The following ADCY8 variants were observed in gnomAD, a reference collection of about 807,000 sequenced individuals.
The protein encoded by ADCY8 is adenylate cyclase 8.
A neutral mutation model predicts 119.7 loss-of-function variants in ADCY8; 51 were observed. The observed-to-expected ratio is 0.43, with a 90% CI of 0.34 to 0.54. The LOEUF is 0.54. Among genes scored for constraint, ADCY8 ranks in the 20% least tolerant of loss-of-function variants. The pLI, the probability that ADCY8 is intolerant of heterozygous loss-of-function variation, is 0.03. For synonymous variants in ADCY8, 665 were observed against 651.0 expected, an observed-to-expected ratio of 1.02 and a Z score of -0.33; for missense variants, 1,383 against 1,598.8, an observed-to-expected ratio of 0.87 and a Z score of 2.30.
At chr8:131,024,150 G>T (rs574229660) in intron 1 of ADCY8, among the ~76,000 whole-genome samples, 3 of 152,302 alleles carry the variant, frequency 2.0e-5, no homozygotes, top group Admixed American at 6.5e-5. Context: ...CTGTTCAGGT[G>T]ATTCATGAGT....
At chr8:131,009,662 G>T (rs138425154) in intron 1 of ADCY8, among the ~76,000 whole-genome samples, 4 of 152,162 alleles carry the variant, frequency 2.6e-5, no homozygotes, top group African/African-American at 9.7e-5. Context: ...CAAAGACTGC[G>T]CTTTTAAGCA....
intron 2 of ADCY8, among the ~76,000 whole-genome samples, chr8:130,977,116 A>G (rs114623006): frequency 2.0e-5 from 3 of 152,232 alleles, no homozygotes; most frequent in African/African-American, 7.2e-5. Context: ...TTACTACTAT[A>G]TCTCCTCACA....
rs534347359 is a variant in ADCY8 at position 131,003,477 on chromosome 8, G to A, written c.961-12935C>T. On this transcript the variant is annotated intron_variant, in intron 1 of 17. Transcript: ENST00000286355. ...ACAAGTAGCCATAATTATTCCAGGA[G>A]TGTTTTGCAGCCTGACTTAATTCTA... Among the ~76,000 whole-genome samples, 6 of 152,290 alleles carry A rather than the reference G, an allele frequency of 3.9e-5. No individual in the cohort carries two copies. The South Asian group carries it at 6.2e-4, about 16-fold the overall frequency.
At chr8:130,943,492 G>GTT in intron 3 of ADCY8, 30 bp from the exon 4 acceptor site, 1 of 649,132 alleles carries the variant, frequency 1.5e-6, no homozygotes, top group South Asian at 1.5e-5. Context: ...TGGGGGTGGG[G>GTT]GGAGGAAGTA....
In ADCY8 at chr8:130,924,184, G is replaced by T. The variant is rs1042172876; in HGVS notation, c.1481+12889C>A. The stretch of plus-strand genomic sequence containing the variant: ...TGCCACTGACTAGTCATGTGATCTA[G>T]GTGGAGGTAATTATACAACCTCTGT... On this transcript the variant is annotated intron_variant, in intron 5 of 17. Coordinates refer to ENST00000286355, the MANE Select transcript of ADCY8 (RefSeq NM_001115.3). Among the ~76,000 whole-genome samples the T allele has an allele frequency of 3.3e-5, 5 of 152,202 alleles. No individual in the cohort carries two copies. The South Asian group carries it at 8.3e-4, about 25-fold the overall frequency.
chr8:130,798,990 A>G (rs1815679550), intron 15 of ADCY8, among the ~76,000 whole-genome samples: 2 of 152,136 alleles, frequency 1.3e-5, no homozygotes, highest in Admixed American at 6.5e-5. Context: ...TTGCAACAAC[A>G]TGGATGGGTC....
chr8:130,920,032 AC>A (rs2130578584), intron 5 of ADCY8, among the ~76,000 whole-genome samples: 1 of 151,496 alleles, frequency 6.6e-6, no homozygotes, highest in Admixed American at 6.6e-5. Context: ...AATCCCGGCT[AC>A]TTGGAAGGCT....
intron 2 of ADCY8, among the ~76,000 whole-genome samples, chr8:130,960,422 T>A (rs956975753): frequency 1.9e-4 from 28 of 145,310 alleles, no homozygotes; most frequent in Non-Finnish European, 2.4e-4. Flanking sequence ...ACTAATTGAA[T>A]GGAATTAACA....
intron 9 of ADCY8, among the ~76,000 whole-genome samples, chr8:130,858,991 A>G (rs1817839257): frequency 6.6e-6 from 1 of 151,784 alleles, no homozygotes; most frequent in African/African-American, 2.4e-5. Context: ...AAGATCGCCA[A>G]GGCTAATCTT....
chr8:130,800,634 C>G, intron 14 of ADCY8, 62 bp from the exon 15 acceptor site: 3 of 1,577,456 alleles, frequency 1.9e-6, no homozygotes, highest in Non-Finnish European at 2.6e-6. Flanking sequence ...TGCAGTGATG[C>G]TTCCTGTGCA....
Position 130,780,339 on chromosome 8 carries a change from T to A in ADCY8, c.*51A>T, listed in dbSNP as rs1815031291. Reference sequence around the variant, plus strand: ...AATTAAACCTTTTTATTAGTATATTTATTTTATATATAAAAGAAATACAAA... The same window carrying A: ...AATTAAACCTTTTTATTAGTATATTAATTTTATATATAAAAGAAATACAAA... On this transcript the variant is annotated 3_prime_UTR_variant, in exon 18 of 18. Transcript: ENST00000286355. The A allele has an allele frequency of 8.2e-7, 1 of 1,222,068 alleles. No individual in the cohort carries two copies. The highest frequency in any genetic ancestry group is 1.0e-6 in the Non-Finnish European group (1 of 969,046). 75.7% of individuals were successfully genotyped at this position (1,222,068 alleles called of 1,614,324 possible).
intron 14 of ADCY8, among the ~76,000 whole-genome samples, chr8:130,809,041 GC>G: frequency 6.6e-6 from 1 of 152,314 alleles, no homozygotes; most frequent in South Asian, 2.1e-4. Context: ...GCTATTCTAA[GC>G]CAAAAGCACA....
Position 130,806,292 on chromosome 8 carries a change from C to T in ADCY8, c.2914-5720G>A, listed in dbSNP as rs1013364333. 2.0e-5 allele frequency among the ~76,000 whole-genome samples: 3 copies of T among 152,198 alleles called. 1 individual carries two copies. Among genetic ancestry groups the T allele is most frequent in the African/African-American group, 4.8e-5 (2 of 41,444 alleles). On this transcript the variant is annotated intron_variant, in intron 14 of 17. Transcript: ENST00000286355. ...TGCCATGACTGGCAGTGGCTACTCA[C>T]GCTGGTTCCAGTAACTGCTTTTTCT...
At chr8:130,814,908 C>T (rs750480588) in intron 13 of ADCY8, among the ~76,000 whole-genome samples, 5 of 152,150 alleles carry the variant, frequency 3.3e-5, no homozygotes, top group Non-Finnish European at 7.3e-5. Context: ...TCTATCTGTT[C>T]GACTTTACAT....
intron 7 of ADCY8, among the ~76,000 whole-genome samples, chr8:130,901,981 A>G (rs1819618129): frequency 6.6e-6 from 1 of 152,164 alleles, no homozygotes; most frequent in Admixed American, 6.5e-5. Flanking sequence ...ATACAGTTTA[A>G]CCACATCAAT....
intron 2 of ADCY8, among the ~76,000 whole-genome samples, chr8:130,972,899 T>C (rs7826283): frequency 0.39 from 59,296 of 151,150 alleles, 13,400 homozygotes; most frequent in Middle Eastern, 0.56. Context: ...TTTTTTTTAA[T>C]CTGTAAAATG....
intron 12 of ADCY8, among the ~76,000 whole-genome samples, chr8:130,825,532 A>G (rs1816644055): frequency 6.6e-6 from 1 of 152,172 alleles, no homozygotes. Flanking sequence ...TGTGTTGTGT[A>G]ACTCAGACTG....
At chr8:131,016,775 A>T (rs1823487643) in intron 1 of ADCY8, among the ~76,000 whole-genome samples, 1 of 152,042 alleles carries the variant, frequency 6.6e-6, no homozygotes, top group South Asian at 2.1e-4. Flanking sequence ...CATTGTAGGG[A>T]CACTGGCTCG....
intron 2 of ADCY8, among the ~76,000 whole-genome samples, chr8:130,967,059 T>A (rs1821783605): frequency 6.6e-6 from 1 of 152,176 alleles, no homozygotes; most frequent in Admixed American, 6.5e-5. Context: ...CTGTTAATAA[T>A]TTGAAAAAAA....
Sources: allele counts gnomAD v4.1 joint callset (sites outside exome capture counted in the v4.1 genomes callset), GRCh38; gene constraint gnomAD v4.1.1; transcripts MANE v1.5; gene names NCBI Gene and HGNC (gene_info 2026-07-23, HGNC 2026-07-21).